Variants in PTPN2 observed in about 807,000 individuals in gnomAD.
The protein encoded by PTPN2 is protein tyrosine phosphatase non-receptor type 2.
In PTPN2, 19 loss-of-function variants were observed where a neutral mutation model predicts 57.3. The observed-to-expected ratio is 0.33, with a 90% CI of 0.23 to 0.49. The LOEUF is 0.49. PTPN2 is among the 20% of genes least tolerant of loss of function. The pLI is 0.99. For synonymous variants in PTPN2, 153 were observed against 164.9 expected (o/e 0.93, Z 0.55); for missense variants, 358 against 501.1 (o/e 0.71, Z 2.73).
At chr18:12,826,875 G>A (rs1006428350) in intron 4 of PTPN2, among the ~76,000 whole-genome samples, 1 of 151,670 alleles carries the variant, frequency 6.6e-6, no homozygotes, top group Non-Finnish European at 1.5e-5. Flanking sequence ...GGTCTTATAA[G>A]GTATTTTTTA....
At chr18:12,788,235 T>C (rs985405857), downstream of PTPN2, 1 of 153,456 alleles carries the variant, frequency 6.5e-6, no homozygotes, top group African/African-American at 2.4e-5. Context: ...AAAAAATTCC[T>C]GTGCAATTCT....
At chr18:12,830,893 C>T (rs74163634) in intron 4 of PTPN2, 50 bp downstream of exon 4, 70 of 1,359,098 alleles carry the variant, frequency 5.2e-5, no homozygotes, top group Non-Finnish European at 6.9e-5. Context: ...TCTTTATATG[C>T]TAATGATCAC....
At chr18:12,832,103 A>C (rs1232294960) in intron 3 of PTPN2, among the ~76,000 whole-genome samples, 1 of 152,198 alleles carries the variant, frequency 6.6e-6, no homozygotes, top group Non-Finnish European at 1.5e-5. Context: ...CAAGGGGGTT[A>C]AAGTGGTTCT....
At chr18:12,859,734 A>C (rs1034106995) in intron 1 of PTPN2, among the ~76,000 whole-genome samples, 3 of 152,186 alleles carry the variant, frequency 2.0e-5, no homozygotes, top group Non-Finnish European at 4.4e-5. Flanking sequence ...GAAAATATTT[A>C]TTTCTTCATG....
At chr18:12,794,536 G>T in intron 8 of PTPN2, 51 bp from the exon 9 acceptor site, 1 of 1,596,968 alleles carries the variant, frequency 6.3e-7, no homozygotes, top group Non-Finnish European at 8.5e-7. Context: ...AGCAGGACTT[G>T]AGTACTCTAA....
At chr18:12,789,943 T>C (rs764857523), downstream of PTPN2, among the ~76,000 whole-genome samples, 17 of 151,758 alleles carry the variant, frequency 1.1e-4, no homozygotes, top group South Asian at 2.1e-4. Context: ...GAGAGACAAA[T>C]ATACAGAGAG....
chr18:12,876,609 A>AT (rs2044501139), intron 1 of PTPN2, among the ~76,000 whole-genome samples: 1 of 152,224 alleles, frequency 6.6e-6, no homozygotes, highest in Admixed American at 6.5e-5. Context: ...AAACAATATG[A>AT]TTTCTAGGTA....
At chr18:12,807,600 T>TATATATATATATATATATATATATA (rs71174144) in intron 7 of PTPN2, among the ~76,000 whole-genome samples, 1 of 85,214 alleles carries the variant, frequency 1.2e-5, no homozygotes, top group African/African-American at 3.6e-5. Flanking sequence ...TATATATATA[T>TATATATATATATATATATATATATA]ATATAATATA....
intron 1 of PTPN2, among the ~76,000 whole-genome samples, chr18:12,865,463 C>G (rs563328339): frequency 2.0e-5 from 3 of 149,710 alleles, no homozygotes; most frequent in Non-Finnish European, 3.0e-5. Context: ...AAGAGAGAGG[C>G]GGGGCACAGT....
intron 1 of PTPN2, among the ~76,000 whole-genome samples, chr18:12,870,457 ATATATAGAGAGAGAGAG>A (rs1201172877): frequency 3.1e-5 from 2 of 63,566 alleles, no homozygotes; most frequent in Non-Finnish European, 5.2e-5. Context: ...ATATATATAT[ATATATAGAGAGAGAGAG>A]AGAGAGAGAG....
intron 1 of PTPN2, among the ~76,000 whole-genome samples, chr18:12,875,188 T>G (rs2044445172): frequency 6.6e-6 from 1 of 152,190 alleles, no homozygotes; most frequent in Non-Finnish European, 1.5e-5. Flanking sequence ...CTCAGGGTCC[T>G]CTGCCTAGGA....
intron 8 of PTPN2, 43 bp from the exon 9 acceptor site, chr18:12,794,528 C>G (rs746096309): frequency 8.5e-5 from 136 of 1,601,856 alleles, no homozygotes; most frequent in Non-Finnish European, 1.1e-4. Context: ...GCACACAGAG[C>G]AGGACTTGAG....
chr18:12,849,294 C>T (rs1379073874), intron 2 of PTPN2, among the ~76,000 whole-genome samples: 1 of 152,220 alleles, frequency 6.6e-6, no homozygotes, highest in African/African-American at 2.4e-5. Context: ...TGCAGAAGCT[C>T]ACGCCTGTAA....
chr18:12,805,355 G>A (rs2041602931), intron 7 of PTPN2, among the ~76,000 whole-genome samples: 1 of 151,834 alleles, frequency 6.6e-6, no homozygotes, highest in Non-Finnish European at 1.5e-5. Flanking sequence ...CACTCAGGTG[G>A]CTGAGGCATG....
Position 12,883,692 on chromosome 18 carries a change from G to A in PTPN2, c.69+381C>T, listed in dbSNP as rs143158215. The stretch of plus-strand genomic sequence containing the variant: ...CAAGCACAGCGGCGTGGGAGCTACG[G>A]CGAAGCTGCGGCCCGGGGGCGCGCG... On this transcript the variant is annotated intron_variant, in intron 1 of 8. Transcript: ENST00000309660. 7.8e-3 allele frequency: 1,374 copies of A among 175,882 alleles called. 27 individuals carry two copies. The highest frequency in any genetic ancestry group is 0.031 in the African/African-American group (1,327 of 42,440). The allele number at this position is 175,882 out of a possible 1,614,324, so 10.9% of individuals were successfully genotyped here.
intron 1 of PTPN2, among the ~76,000 whole-genome samples, chr18:12,877,608 G>C (rs972943321): frequency 2.0e-5 from 3 of 152,210 alleles, no homozygotes; most frequent in Non-Finnish European, 2.9e-5. Flanking sequence ...CTGCCCCGCT[G>C]TAAGTATGAG....
intron 6 of PTPN2, among the ~76,000 whole-genome samples, chr18:12,816,025 C>T (rs1004249280): frequency 6.6e-6 from 1 of 152,138 alleles, no homozygotes; most frequent in African/African-American, 2.4e-5. Flanking sequence ...AGTCTTGTGT[C>T]AAGCGTGGTG....
At chr18:12,815,108 AT>A (rs2042025891) in intron 6 of PTPN2, among the ~76,000 whole-genome samples, 1 of 73,502 alleles carries the variant, frequency 1.4e-5, no homozygotes, top group Non-Finnish European at 4.2e-5. Flanking sequence ...AAATAAATAA[AT>A]AAATAAATAA....
Position 12,807,585 on chromosome 18 carries a change from A to AT in PTPN2, c.859-5435_859-5434insA, listed in dbSNP as rs1568093008. ...AAAATGTGGAAAAAAAAAAAAAAAA[A>AT]AATATATATATATATATATAATATA... On this transcript the variant is annotated intron_variant, in intron 7 of 8. Transcript: ENST00000309660. Among the ~76,000 whole-genome samples the AT allele has an allele frequency of 4.1e-3, 326 of 79,334 alleles. 1 individual carries two copies. Among genetic ancestry groups the AT allele is most frequent in the South Asian group, 0.012 (16 of 1,380 alleles). The allele number at this position is 79,334 out of a possible 152,430, so 52.0% of individuals were successfully genotyped here. A position where few individuals can be genotyped will look rare whatever the true frequency, so the allele number is the denominator to read the frequency against.
Sources: allele counts gnomAD v4.1 joint callset (sites outside exome capture counted in the v4.1 genomes callset), GRCh38; gene constraint gnomAD v4.1.1; transcripts MANE v1.5; gene names NCBI Gene and HGNC (gene_info 2026-07-23, HGNC 2026-07-21).